ZNF292: variants seen among roughly 807,000 people sequenced by gnomAD.
ZNF292 encodes 16 zinc-finger domain protein.
A neutral mutation model predicts 217.9 loss-of-function variants in ZNF292; 26 were observed. The observed-to-expected ratio is 0.12, with a 90% CI of 0.09 to 0.17. The LOEUF is 0.17. Ranked by LOEUF, ZNF292 falls within the 10% of genes least tolerant of loss-of-function variation. The pLI, the probability that ZNF292 is intolerant of heterozygous loss-of-function variation, is 1.00. For synonymous variants in ZNF292, 1,257 were observed against 1,124.1 expected, an observed-to-expected ratio of 1.12 and a Z score of -2.37; for missense variants, 2,904 against 3,175.2, an observed-to-expected ratio of 0.91 and a Z score of 2.05.
intron 3 of ZNF292, among the ~76,000 whole-genome samples, chr6:87,216,646 A>G (rs1300536906): frequency 6.6e-6 from 1 of 152,020 alleles, no homozygotes; most frequent in Admixed American, 6.6e-5. Flanking sequence ...AAGTGCCCTC[A>G]TTTGGATTTA....
chr6:87,159,020 A>G (rs1286307890), intron 1 of ZNF292, among the ~76,000 whole-genome samples: 2 of 152,248 alleles, frequency 1.3e-5, no homozygotes, highest in African/African-American at 2.4e-5. Context: ...TTTACTTTAA[A>G]AAATGAATTA....
chr6:87,172,848 A>G (rs1448567530), intron 1 of ZNF292, among the ~76,000 whole-genome samples: 1 of 151,918 alleles, frequency 6.6e-6, no homozygotes, highest in Non-Finnish European at 1.5e-5. Flanking sequence ...TCGAGGTTGC[A>G]GTGATCCAAG....
intron 3 of ZNF292, among the ~76,000 whole-genome samples, chr6:87,217,247 C>T (rs566105036): frequency 1.3e-5 from 2 of 152,108 alleles, no homozygotes; most frequent in South Asian, 4.1e-4. Context: ...AATAAACTTT[C>T]CTGTTTTAAT....
At chr6:87,228,622 G>A (rs1366857695) in intron 4 of ZNF292, among the ~76,000 whole-genome samples, 2 of 152,060 alleles carry the variant, frequency 1.3e-5, no homozygotes, top group Non-Finnish European at 2.9e-5. Context: ...GCAGGAATAG[G>A]GTCCAGCTAC....
chr6:87,249,090 T>C (rs947812331), intron 7 of ZNF292, among the ~76,000 whole-genome samples: 1 of 152,202 alleles, frequency 6.6e-6, no homozygotes, highest in African/African-American at 2.4e-5. Flanking sequence ...GCTTTGGAAG[T>C]TGGCCATGGC....
chr6:87,192,532 C>T (rs992564961), intron 1 of ZNF292, among the ~76,000 whole-genome samples: 4 of 152,150 alleles, frequency 2.6e-5, no homozygotes, highest in Middle Eastern at 3.2e-3. Flanking sequence ...CACTCTTCCA[C>T]ATACCCAGAC....
intron 3 of ZNF292, among the ~76,000 whole-genome samples, chr6:87,217,039 C>T (rs951012280): frequency 6.6e-6 from 1 of 152,076 alleles, no homozygotes; most frequent in East Asian, 1.9e-4. Flanking sequence ...ATGGCTTCAA[C>T]TAAATTTTGA....
intron 4 of ZNF292, chr6:87,222,895 G>C (rs1582447460): frequency 2.2e-6 from 1 of 447,094 alleles, no homozygotes; most frequent in Non-Finnish European, 4.5e-6. Flanking sequence ...TACTGGTCAG[G>C]TATTTTGTAG....
intron 1 of ZNF292, among the ~76,000 whole-genome samples, chr6:87,177,361 A>G: frequency 6.6e-6 from 1 of 151,704 alleles, no homozygotes; most frequent in Non-Finnish European, 1.5e-5. Context: ...TCCTTCAGTC[A>G]TTTTTAGCTC....
At chr6:87,232,995 T>C (rs897111148) in intron 4 of ZNF292, among the ~76,000 whole-genome samples, 1 of 152,100 alleles carries the variant, frequency 6.6e-6, no homozygotes, top group Non-Finnish European at 1.5e-5. Context: ...TGTTGAAGAA[T>C]AACTGCTGTA....
chr6:87,178,656 T>G (rs1191855210), intron 1 of ZNF292, among the ~76,000 whole-genome samples: 2 of 152,240 alleles, frequency 1.3e-5, no homozygotes, highest in African/African-American at 4.8e-5. Context: ...AGGTGGTTAC[T>G]ATCCCTGTTT....
Position 87,177,303 on chromosome 6 carries a change from G to T in ZNF292, c.168+21544G>T, listed in dbSNP as rs112678942. 3.6e-3 allele frequency among the ~76,000 whole-genome samples: 546 copies of T among 151,338 alleles called. 2 individuals carry two copies. The highest frequency in any genetic ancestry group is 0.013 in the African/African-American group (526 of 41,172). On this transcript the variant is annotated intron_variant, in intron 1 of 7. Coordinates refer to ENST00000369577, the MANE Select transcript of ZNF292 (RefSeq NM_015021.3). The stretch of plus-strand genomic sequence containing the variant: ...GATCGCACCACTGTACTCCAGCCTG[G>T]GTGACAAGCGAAACTCCATCTCAAA...
At chr6:87,187,821 G>A (rs1312176354) in intron 1 of ZNF292, among the ~76,000 whole-genome samples, 1 of 151,856 alleles carries the variant, frequency 6.6e-6, no homozygotes, top group Non-Finnish European at 1.5e-5. Context: ...TGTATGAGTA[G>A]TTGCAACATT....
chr6:87,241,372 G>A (rs1054990614), intron 5 of ZNF292, among the ~76,000 whole-genome samples: 6 of 150,954 alleles, frequency 4.0e-5, no homozygotes, highest in African/African-American at 7.3e-5. Flanking sequence ...ATTGTTTAAC[G>A]TAATTTTGAA....
intron 5 of ZNF292, among the ~76,000 whole-genome samples, chr6:87,234,043 T>C (rs1773780231): frequency 6.6e-6 from 1 of 152,212 alleles, no homozygotes; most frequent in Non-Finnish European, 1.5e-5. Flanking sequence ...CTCTGAGACA[T>C]TGTCTTTTCA....
intron 7 of ZNF292, among the ~76,000 whole-genome samples, chr6:87,250,510 A>G (rs1037954824): frequency 1.3e-5 from 2 of 152,210 alleles, no homozygotes; most frequent in African/African-American, 2.4e-5. Flanking sequence ...GTTTGCCACA[A>G]GTGTACTGTA....
At chr6:87,165,757 CTTTTTTT>C (rs71014998) in intron 1 of ZNF292, among the ~76,000 whole-genome samples, 23 of 131,264 alleles carry the variant, frequency 1.8e-4, no homozygotes, top group African/African-American at 4.3e-4. Context: ...GTTTACATTT[CTTTTTTT>C]TTTTTTTTTT....
chr6:87,244,992 G>C (rs763036334), intron 6 of ZNF292, among the ~76,000 whole-genome samples: 3 of 152,118 alleles, frequency 2.0e-5, no homozygotes, highest in Non-Finnish European at 4.4e-5. Flanking sequence ...TGTAATCCCA[G>C]CACTGTGGGT....
intron 1 of ZNF292, among the ~76,000 whole-genome samples, chr6:87,185,748 C>T (rs1771627616): frequency 6.6e-6 from 1 of 152,244 alleles, no homozygotes; most frequent in Non-Finnish European, 1.5e-5. Context: ...GGATTATAGG[C>T]ATGAGCCACC....
Sources: gnomAD v4.1 joint callset for allele counts (sites outside exome capture counted in the v4.1 genomes callset) on GRCh38, gnomAD v4.1.1 for gene constraint, MANE v1.5 for transcripts, NCBI Gene and HGNC (gene_info 2026-07-23, HGNC 2026-07-21) for gene names.